ABAT: variants seen among roughly 807,000 people sequenced by gnomAD.
ABAT encodes 4-aminobutyrate aminotransferase, mitochondrial.
ABAT carries 45 observed loss-of-function variants against 64.6 expected under a neutral mutation model. The ratio of observed to expected loss-of-function variants is 0.70; its 90% CI spans 0.55 to 0.89. The LOEUF is 0.89. Ranked by LOEUF, ABAT falls within the 40% of genes least tolerant of loss-of-function variation. The pLI, the probability that ABAT is intolerant of heterozygous loss-of-function variation, is 0.00. For missense variants in ABAT, 633 were observed against 658.4 expected, an observed-to-expected ratio of 0.96 and a Z score of 0.42; for synonymous variants, 297 against 250.5, an observed-to-expected ratio of 1.19 and a Z score of -1.75.
intron 1 of ABAT, among the ~76,000 whole-genome samples, chr16:8,680,059 C>T (rs985707987): frequency 2.0e-5 from 3 of 152,138 alleles, no homozygotes; most frequent in South Asian, 2.1e-4. Flanking sequence ...TCTCACATTG[C>T]GTCTTTTACA....
chr16:8,769,926 T>G lies in ABAT; in HGVS notation c.816+953T>G, dbSNP rs766176136. ...CATCATCATTTTCAATCAGTTCATATTTATTGAGCACCTACTAGATGTCAA... is the reference window on the plus strand; with the variant it reads ...CATCATCATTTTCAATCAGTTCATAGTTATTGAGCACCTACTAGATGTCAA... On this transcript the variant is annotated intron_variant, in intron 11 of 15. Coordinates refer to ENST00000268251, the MANE Select transcript of ABAT (RefSeq NM_020686.6). 4.6e-5 allele frequency among the ~76,000 whole-genome samples: 7 copies of G among 152,154 alleles called. 1 individual carries two copies. The highest frequency in any genetic ancestry group is 1.0e-4 in the Non-Finnish European group (7 of 68,028).
chr16:8,685,417 T>C (rs2057431683), intron 1 of ABAT, among the ~76,000 whole-genome samples: 1 of 147,930 alleles, frequency 6.8e-6, no homozygotes, highest in Admixed American at 6.7e-5. Context: ...TCGCCTGTAA[T>C]CCAGCACTTT....
chr16:8,732,901 G>C (rs1271685406), intron 1 of ABAT, among the ~76,000 whole-genome samples: 5 of 147,562 alleles, frequency 3.4e-5, no homozygotes, highest in Non-Finnish European at 6.0e-5. Flanking sequence ...CCTCACCTCC[G>C]GACGGGGCGG....
Position 8,751,141 on chromosome 16 carries a change from G to T in ABAT, c.316+602G>T, listed in dbSNP as rs948437851. ...TTTTTGCATTTTTAGTAGAGACGGG[G>T]TTTTACCATGTTGGCCAGGGTAGTC... On this transcript the variant is annotated intron_variant, in intron 5 of 15. Coordinates refer to ENST00000268251, the MANE Select transcript of ABAT (RefSeq NM_020686.6). Among the ~76,000 whole-genome samples the T allele has an allele frequency of 3.9e-5, 6 of 151,908 alleles. No individual in the cohort carries two copies. The East Asian group carries it at 1.2e-3, about 29-fold the overall frequency.
At chr16:8,748,721 T>C (rs2059398827) in intron 4 of ABAT, among the ~76,000 whole-genome samples, 1 of 152,214 alleles carries the variant, frequency 6.6e-6, no homozygotes, top group African/African-American at 2.4e-5. Context: ...TGGGTGCAAA[T>C]ATGTTTATAA....
chr16:8,749,126 T>C (rs2059408848), intron 4 of ABAT, among the ~76,000 whole-genome samples: 1 of 151,534 alleles, frequency 6.6e-6, no homozygotes, highest in Non-Finnish European at 1.5e-5. Flanking sequence ...TTGCTCTTAT[T>C]GCCCAGGCTA....
intron 1 of ABAT, among the ~76,000 whole-genome samples, chr16:8,724,174 A>G (rs2058467124): frequency 1.3e-5 from 2 of 151,826 alleles, no homozygotes; most frequent in Admixed American, 1.3e-4. Context: ...AGGCTCAAAT[A>G]CCACCTCCAT....
chr16:8,685,508 A>G (rs1456653807), intron 1 of ABAT, among the ~76,000 whole-genome samples: 2 of 149,678 alleles, frequency 1.3e-5, no homozygotes, highest in African/African-American at 4.9e-5. Flanking sequence ...TGTCTCTGCT[A>G]AAAATACAAA....
chr16:8,740,931 G>A (rs2059145670), intron 2 of ABAT, among the ~76,000 whole-genome samples: 1 of 152,248 alleles, frequency 6.6e-6, no homozygotes, highest in Non-Finnish European at 1.5e-5. Context: ...ACTCCAGTTG[G>A]ACTTGACCTT....
chr16:8,783,060 C>A lies in ABAT; in HGVS notation c.*1630C>A, dbSNP rs1398318653. ...AATTCTTGTTCATTTTGCATTCCTG[C>A]AGTCAGTGCTAATCCGTCGTTCTTA... On this transcript the variant is annotated 3_prime_UTR_variant, in exon 16 of 16. Transcript: ENST00000268251. 6.6e-6 allele frequency: 1 copy of A among 152,146 alleles called. No individual in the cohort carries two copies. Among genetic ancestry groups the A allele is most frequent in the African/African-American group, 2.4e-5 (1 of 41,430 alleles). 9.4% of individuals were successfully genotyped at this position (152,146 alleles called of 1,614,324 possible).
chr16:8,729,200 T>A (rs1391309315), intron 1 of ABAT, among the ~76,000 whole-genome samples: 1 of 151,474 alleles, frequency 6.6e-6, no homozygotes, highest in Non-Finnish European at 1.5e-5. Flanking sequence ...TCCAGGTACT[T>A]GGGAGGTGGC....
chr16:8,750,391 T>A, intron 4 of ABAT, 31 bp from the exon 5 acceptor site: 1 of 1,574,624 alleles, frequency 6.4e-7, no homozygotes, highest in South Asian at 1.1e-5. Context: ...GGAGTGGCAG[T>A]GAGCCTGAGT....
chr16:8,742,645 G>A (rs530366027), intron 2 of ABAT, among the ~76,000 whole-genome samples: 2 of 152,072 alleles, frequency 1.3e-5, no homozygotes, highest in African/African-American at 4.8e-5. Context: ...CGGGTGGATT[G>A]CCTGAGCTCA....
chr16:8,718,057 T>C (rs914551106), intron 1 of ABAT, among the ~76,000 whole-genome samples: 1 of 152,170 alleles, frequency 6.6e-6, no homozygotes, highest in Admixed American at 6.5e-5. Context: ...GGCTCTGCCG[T>C]TGACAAGCTG....
rs949861843 is a variant in ABAT, at chr16:8,676,161, T to C, written c.-42+1450T>C. ...GTTGCGGCGTGGAGTCATAGAGAAATGTGTTTTCTCGAGGCCCAAAGAGGT... is the reference window on the plus strand; with the variant it reads ...GTTGCGGCGTGGAGTCATAGAGAAACGTGTTTTCTCGAGGCCCAAAGAGGT... On this transcript the variant is annotated intron_variant, in intron 1 of 15. Coordinates refer to ENST00000268251, the MANE Select transcript of ABAT (RefSeq NM_020686.6). 2.0e-5 allele frequency among the ~76,000 whole-genome samples: 3 copies of C among 152,134 alleles called. No individual in the cohort carries two copies. The South Asian group carries it at 6.2e-4, about 32-fold the overall frequency.
At chr16:8,722,110 G>A (rs1354621359) in intron 1 of ABAT, among the ~76,000 whole-genome samples, 1 of 152,208 alleles carries the variant, frequency 6.6e-6, no homozygotes, top group East Asian at 1.9e-4. Flanking sequence ...TGTGATGCCA[G>A]CCTGCCTTTA....
rs186152784 is a variant in ABAT at position 8,758,271 on chromosome 16, G to A, written c.366+465G>A. Among the ~76,000 whole-genome samples the A allele has an allele frequency of 1.6e-4, 24 of 152,292 alleles. No homozygotes were observed. The East Asian group carries it at 3.5e-3, about 22-fold the overall frequency. ...CCGAGGTCACACAGCTAGTGGAGGC[G>A]CTGAGAATAAACCCACAGGAGCTGA... is the stretch of plus-strand genomic sequence containing the variant. On this transcript the variant is annotated intron_variant, in intron 6 of 15. Coordinates refer to ENST00000268251, the MANE Select transcript of ABAT (RefSeq NM_020686.6).
At chr16:8,755,791 T>C (rs1202125670) in intron 5 of ABAT, among the ~76,000 whole-genome samples, 3 of 152,128 alleles carry the variant, frequency 2.0e-5, no homozygotes, top group African/African-American at 7.2e-5. Flanking sequence ...GACTACCGCC[T>C]GTAATCCCAG....
intron 1 of ABAT, among the ~76,000 whole-genome samples, chr16:8,714,036 G>A (rs778243213): frequency 6.6e-6 from 1 of 152,186 alleles, no homozygotes; most frequent in Non-Finnish European, 1.5e-5. Context: ...GTGCACATGT[G>A]CCTGGCTCTC....
Sources: gnomAD v4.1 joint callset for allele counts (sites outside exome capture counted in the v4.1 genomes callset) on GRCh38, gnomAD v4.1.1 for gene constraint, MANE v1.5 for transcripts, NCBI Gene and HGNC (gene_info 2026-07-23, HGNC 2026-07-21) for gene names.